The following AFF2 variants were observed in gnomAD, a reference collection of about 807,000 sequenced individuals.
The protein encoded by AFF2 is AF4/FMR2 family member 2.
Under a neutral mutation model 76.9 loss-of-function variants are expected in AFF2, and 14 were observed. The ratio of observed to expected loss-of-function variants is 0.18; its 90% CI spans 0.12 to 0.28. The LOEUF is 0.28. Ranked by LOEUF, AFF2 falls within the 10% of genes least tolerant of loss-of-function variation. The pLI is 1.00. For missense variants in AFF2, 868 were observed against 1,001.1 expected (o/e 0.87, Z 1.79); for synonymous variants, 398 against 366.7 (o/e 1.09, Z -0.98).
At chrX:148,960,801 A>G (rs2072100175) in intron 12 of AFF2, among the ~76,000 whole-genome samples, 1 of 112,148 alleles carries the variant, frequency 8.9e-6, no homozygotes, top group Non-Finnish European at 1.9e-5. Context: ...TACCTTCAGC[A>G]GGCCCTCTGA....
At chrX:148,715,814 A>C (rs1345263727) in intron 3 of AFF2, among the ~76,000 whole-genome samples, 1 of 111,777 alleles carries the variant, frequency 8.9e-6, no homozygotes, top group Non-Finnish European at 1.9e-5. Context: ...CTGATTTCCC[A>C]CAGGAAATGA....
At chrX:148,794,914 G>A (rs1038699107) in intron 3 of AFF2, among the ~76,000 whole-genome samples, 1 of 111,300 alleles carries the variant, frequency 9.0e-6, no homozygotes, top group Non-Finnish European at 1.9e-5. Flanking sequence ...AAAACCCAGG[G>A]GCTAGTCTCC....
intron 3 of AFF2, among the ~76,000 whole-genome samples, chrX:148,666,794 G>A (rs2054365390): frequency 9.0e-6 from 1 of 110,990 alleles, no homozygotes; most frequent in Non-Finnish European, 1.9e-5. Context: ...CTTGCAGATG[G>A]TGCTTTATTA....
chrX:148,821,373 A>G (rs187358822), intron 4 of AFF2, among the ~76,000 whole-genome samples: 190 of 110,847 alleles, frequency 1.7e-3, no homozygotes, highest in African/African-American at 6.1e-3. Flanking sequence ...AAAGTGTTCA[A>G]TAGAGGCACT....
At chrX:148,878,662 T>G (rs895996853) in intron 7 of AFF2, among the ~76,000 whole-genome samples, 1 of 111,586 alleles carries the variant, frequency 9.0e-6, no homozygotes, top group Non-Finnish European at 1.9e-5. Context: ...ATACTTGAAA[T>G]TTTTTTTAAA....
intron 1 of AFF2, among the ~76,000 whole-genome samples, chrX:148,611,467 C>G (rs138158660): frequency 5.3e-5 from 6 of 112,165 alleles, no homozygotes; most frequent in African/African-American, 1.9e-4. Context: ...TATTTTCCCA[C>G]AGTCCTGGAG....
At chrX:148,912,250 G>A (rs938574072) in intron 9 of AFF2, among the ~76,000 whole-genome samples, 8 of 112,069 alleles carry the variant, frequency 7.1e-5, no homozygotes, top group African/African-American at 1.9e-4. Context: ...CATTTGCTGC[G>A]CATATTGACC....
chrX:148,801,216 G>T (rs1375442359), intron 3 of AFF2, among the ~76,000 whole-genome samples: 1 of 111,925 alleles, frequency 8.9e-6, no homozygotes, highest in African/African-American at 3.3e-5. Flanking sequence ...ATCAGTGTTG[G>T]AAAAAGCAGA....
rs151339705 is a variant in AFF2, at chrX:148,985,285, C to CTTTTTTTTTTTTTTTTTTTT, written c.3624-2067_3624-2048dup. Among the ~76,000 whole-genome samples, 2 of 15,387 alleles carry CTTTTTTTTTTTTTTTTTTTT rather than the reference C, an allele frequency of 1.3e-4. 1 individual carries two copies. The highest frequency in any genetic ancestry group is 2.4e-4 in the Non-Finnish European group (2 of 8,459). 13.4% of individuals were successfully genotyped at this position (15,387 alleles called of 115,157 possible). ...ACAGGCATGAGCCCCTGTGCCTGGC[C>CTTTTTTTTTTTTTTTTTTTT]TTTTTTTTTTTTTTTTTTTTTTTTT... On this transcript the variant is annotated intron_variant, in intron 19 of 20. Transcript: ENST00000370460.
In AFF2 at chrX:148,768,273, A is replaced by G. The variant is rs188913503; in HGVS notation, c.1042-41603A>G. 2.2e-3 allele frequency among the ~76,000 whole-genome samples: 239 copies of G among 109,020 alleles called. 1 individual carries two copies. The highest frequency in any genetic ancestry group is 7.4e-3 in the African/African-American group (222 of 29,891). The allele number at this position is 109,020 out of a possible 115,157, so 94.7% of individuals were successfully genotyped here. On this transcript the variant is annotated intron_variant, in intron 3 of 20. Transcript: ENST00000370460. ...CCTCTGTTCTGTTCTTATGGCTACT[A>G]TGGCATCTATCACGCTGTAATATAG...
intron 4 of AFF2, among the ~76,000 whole-genome samples, chrX:148,831,780 G>A (rs1329881407): frequency 1.8e-5 from 2 of 112,127 alleles, no homozygotes; most frequent in Non-Finnish European, 3.8e-5. Flanking sequence ...TTGCATCCTG[G>A]TGCTTAGCTG....
intron 3 of AFF2, among the ~76,000 whole-genome samples, chrX:148,711,951 C>T (rs1557262942): frequency 2.7e-5 from 3 of 111,845 alleles, no homozygotes; most frequent in Non-Finnish European, 5.6e-5. Context: ...CCCTCACTCA[C>T]TCCCTGCTTC....
At position 148,713,752 on chromosome X, in the gene AFF2, T is replaced by C. The variant is rs146969002; in HGVS notation, c.1041+50984T>C. ...GTAGTCAGTTCTCAAATAAAAGAGA[T>C]TGGGAAGAAAGCAGGAAGAGGATTG... On this transcript the variant is annotated intron_variant, in intron 3 of 20. Coordinates refer to ENST00000370460, the MANE Select transcript of AFF2 (RefSeq NM_002025.4). 1.1e-3 allele frequency among the ~76,000 whole-genome samples: 126 copies of C among 111,105 alleles called. 1 individual carries two copies. Among genetic ancestry groups the C allele is most frequent in the African/African-American group, 4.0e-3 (124 of 30,626 alleles).
chrX:148,517,741 G>A (rs782430420), intron 1 of AFF2, among the ~76,000 whole-genome samples: 1 of 111,551 alleles, frequency 9.0e-6, no homozygotes, highest in African/African-American at 3.3e-5. Flanking sequence ...TTGATGGCTG[G>A]GCGTGGTGGC....
intron 3 of AFF2, among the ~76,000 whole-genome samples, chrX:148,695,071 C>A (rs1293543343): frequency 9.0e-6 from 1 of 110,909 alleles, no homozygotes; most frequent in African/African-American, 3.3e-5. Flanking sequence ...CTGCCTCTGC[C>A]TCCCAAAGTC....
intron 8 of AFF2, among the ~76,000 whole-genome samples, chrX:148,901,812 C>A (rs1006671718): frequency 8.9e-6 from 1 of 111,977 alleles, no homozygotes; most frequent in Admixed American, 9.5e-5. Context: ...CGAGCTTTTT[C>A]TCATATGGCA....
chrX:148,583,836 G>A (rs994536279), intron 1 of AFF2, among the ~76,000 whole-genome samples: 2 of 111,124 alleles, frequency 1.8e-5, no homozygotes, highest in Middle Eastern at 4.6e-3. Context: ...TAGAATACAC[G>A]GAAAAGTACT....
chrX:148,821,470 C>T (rs1557272541), intron 4 of AFF2, among the ~76,000 whole-genome samples: 1 of 110,709 alleles, frequency 9.0e-6, no homozygotes, highest in Non-Finnish European at 1.9e-5. Context: ...TCATGCCTAC[C>T]TCACATATTG....
chrX:148,820,354 A>G (rs2070313788), intron 4 of AFF2, among the ~76,000 whole-genome samples: 1 of 111,639 alleles, frequency 9.0e-6, no homozygotes, highest in Admixed American at 9.6e-5. Flanking sequence ...TATGAGAAAA[A>G]TCCAAGCTCC....
Sources: gnomAD v4.1 joint callset for allele counts (sites outside exome capture counted in the v4.1 genomes callset) on GRCh38, gnomAD v4.1.1 for gene constraint, MANE v1.5 for transcripts, NCBI Gene and HGNC (gene_info 2026-07-23, HGNC 2026-07-21) for gene names.